SAAL1: variants seen among roughly 807,000 people sequenced by gnomAD.
SAAL1 encodes serum amyloid A like 1, also known as protein SAAL1.
SAAL1 carries 42 observed loss-of-function variants against 59.8 expected under a neutral mutation model. The ratio of observed to expected loss-of-function variants is 0.70; its 90% CI spans 0.55 to 0.91. The LOEUF is 0.91. SAAL1 is among the 40% of genes least tolerant of loss of function. The probability of loss-of-function intolerance (pLI) is 0.00; values close to 1 mark genes in which losing one functional copy is unlikely to be tolerated. For missense variants in SAAL1, 542 were observed against 561.1 expected (o/e 0.97, Z 0.34); for synonymous variants, 191 against 194.3 (o/e 0.98, Z 0.14).
At chr11:18,086,335 A>G (rs1409027048) in intron 9 of SAAL1, among the ~76,000 whole-genome samples, 1 of 152,122 alleles carries the variant, frequency 6.6e-6, no homozygotes, top group Admixed American at 6.5e-5. Context: ...CCAGGAATTC[A>G]AGGTTGCAGT....
At chr11:18,086,840 G>C (rs1291051019) in intron 9 of SAAL1, 26 bp downstream of exon 9, 3 of 1,438,608 alleles carry the variant, frequency 2.1e-6, no homozygotes, top group South Asian at 3.2e-5. Context: ...ATGAAAAACA[G>C]TATGAGCCTG....
chr11:18,092,958 T>C (rs1237235153), intron 3 of SAAL1, among the ~76,000 whole-genome samples: 1 of 151,986 alleles, frequency 6.6e-6, no homozygotes, highest in Non-Finnish European at 1.5e-5. Context: ...TCAACCTTGG[T>C]ATAAAAGTAC....
chr11:18,099,232 C>T (rs918798956), intron 2 of SAAL1, among the ~76,000 whole-genome samples: 1 of 152,212 alleles, frequency 6.6e-6, no homozygotes, highest in African/African-American at 2.4e-5. Flanking sequence ...ATCCTCCTGC[C>T]TCAGCCTCCC....
chr11:18,086,128 G>A (rs979462336), intron 9 of SAAL1, among the ~76,000 whole-genome samples: 1 of 152,208 alleles, frequency 6.6e-6, no homozygotes, highest in Non-Finnish European at 1.5e-5. Context: ...TTTCGGCAGG[G>A]TGCAGTGGCT....
At chr11:18,101,649 C>G (rs1444673888) in intron 2 of SAAL1, among the ~76,000 whole-genome samples, 1 of 152,160 alleles carries the variant, frequency 6.6e-6, no homozygotes, top group Non-Finnish European at 1.5e-5. Flanking sequence ...AATGGACTAA[C>G]ACACCACTCT....
At chr11:18,086,766 T>C in intron 9 of SAAL1, 100 bp downstream of exon 9, 1 of 620,580 alleles carries the variant, frequency 1.6e-6, no homozygotes, top group South Asian at 6.3e-5. Flanking sequence ...TTTTGAAGTT[T>C]AGCATGTAAT....
Position 18,099,049 on chromosome 11 carries a change from T to G in SAAL1, c.250-2195A>C, listed in dbSNP as rs1379442427. ...TAGCAACCTGCCCAAGATTATACAG[T>G]CTCAGCAGAGCAAAGCTAGGATTTG... On this transcript the variant is annotated intron_variant, in intron 2 of 11. Coordinates refer to ENST00000524803, the MANE Select transcript of SAAL1 (RefSeq NM_138421.3). Among the ~76,000 whole-genome samples, 7 of 151,294 alleles carry G rather than the reference T, an allele frequency of 4.6e-5. No individual in the cohort carries two copies. The East Asian group carries it at 1.3e-3, about 29-fold the overall frequency.
At chr11:18,086,691 ACT>A (rs113639287) in intron 9 of SAAL1, among the ~76,000 whole-genome samples, 173 bp downstream of exon 9, 9 of 152,268 alleles carry the variant, frequency 5.9e-5, no homozygotes, top group African/African-American at 2.2e-4. Flanking sequence ...ACACAGCAAG[ACT>A]CTGTTTCCAA....
At position 18,090,295 on chromosome 11, in the gene SAAL1, A is replaced by C. The variant is rs1316327644; in HGVS notation, c.474-5T>G. 6.3e-7 allele frequency: 1 copy of C among 1,592,894 alleles called. No homozygotes were observed. Among genetic ancestry groups the C allele is most frequent in the African/African-American group, 1.4e-5 (1 of 72,806 alleles). ...GAAAGGCAAGTAAGCAACAACCTAC[A>C]TGGTAAACGTGGGTTGAATTTCTAC... On this transcript the variant is annotated splice_region_variant and splice_polypyrimidine_tract_variant and intron_variant, in intron 5 of 11. Transcript: ENST00000524803.
At chr11:18,084,823 T>A (rs1348948721) in intron 9 of SAAL1, among the ~76,000 whole-genome samples, 2 of 152,176 alleles carry the variant, frequency 1.3e-5, no homozygotes, top group Non-Finnish European at 2.9e-5. Flanking sequence ...TGGAGTACAA[T>A]GGCGTGATTT....
intron 6 of SAAL1, 70 bp downstream of exon 6, chr11:18,090,105 T>C: frequency 7.3e-7 from 1 of 1,367,436 alleles, no homozygotes; most frequent in Non-Finnish European, 9.9e-7. Context: ...CTTCTAGAAA[T>C]AGTTACATGG....
intron 6 of SAAL1, 62 bp from the exon 7 acceptor site, chr11:18,089,572 C>T: frequency 6.8e-7 from 1 of 1,468,646 alleles, no homozygotes; most frequent in African/African-American, 1.4e-5. Flanking sequence ...TAGGGTTAAG[C>T]AAAATTCCTA....
intron 7 of SAAL1, among the ~76,000 whole-genome samples, chr11:18,088,052 A>G (rs1848484585): frequency 6.6e-6 from 1 of 152,180 alleles, no homozygotes; most frequent in Non-Finnish European, 1.5e-5. Flanking sequence ...AGAAACATGA[A>G]GGGGCAAAGA....
Position 18,080,427 on chromosome 11 carries a change from T to C in SAAL1, c.1397A>G (p.Asn466Ser). The C allele has an allele frequency of 5.6e-6, 9 of 1,596,974 alleles. No homozygotes were observed. The highest frequency in any genetic ancestry group is 7.7e-6 in the Non-Finnish European group (9 of 1,175,294). ...AGTCTGAACCTTCAAACTTGGGAAGTTTTTTTCCAAGTCATCAGCAAGCGC... is the reference window on the plus strand; with the variant it reads ...AGTCTGAACCTTCAAACTTGGGAAGCTTTTTTCCAAGTCATCAGCAAGCGC... ...DKALADDLEK[N>S]FPSLKVQT Residue 466 changes from asparagine (N) to serine (S), a missense_variant, in exon 12 of 12, where the codon AAC becomes AGC. Physicochemically the swap from Asn to Ser is conservative, Grantham distance 46. Transcript: ENST00000524803.
chr11:18,095,428 A>G (rs1190202245), intron 3 of SAAL1, among the ~76,000 whole-genome samples: 1 of 152,230 alleles, frequency 6.6e-6, no homozygotes, highest in African/African-American at 2.4e-5. Context: ...CTACTTAAAT[A>G]AGAATTCTAA....
intron 10 of SAAL1, among the ~76,000 whole-genome samples, chr11:18,082,861 G>A (rs1398125550): frequency 6.6e-6 from 1 of 152,036 alleles, no homozygotes; most frequent in East Asian, 1.9e-4. Flanking sequence ...CAAACTCCTG[G>A]GCTCAAGTGA....
chr11:18,081,370 C>A, intron 11 of SAAL1, 41 bp downstream of exon 11: 1 of 1,372,508 alleles, frequency 7.3e-7, no homozygotes. Flanking sequence ...TTTAGTAATC[C>A]TACAAAACTT....
chr11:18,082,096 A>G (rs1173694846), intron 10 of SAAL1, among the ~76,000 whole-genome samples: 1 of 152,250 alleles, frequency 6.6e-6, no homozygotes, highest in Non-Finnish European at 1.5e-5. Context: ...TGCATGACAT[A>G]GCACTCGTGT....
At chr11:18,093,272 T>C (rs1848540901) in intron 3 of SAAL1, among the ~76,000 whole-genome samples, 1 of 152,192 alleles carries the variant, frequency 6.6e-6, no homozygotes, top group Non-Finnish European at 1.5e-5. Flanking sequence ...TTAAGTGCTT[T>C]CTTTACATGA....
Sources: allele counts gnomAD v4.1 joint callset (sites outside exome capture counted in the v4.1 genomes callset), GRCh38; gene constraint gnomAD v4.1.1; transcripts MANE v1.5; gene names NCBI Gene and HGNC (gene_info 2026-07-23, HGNC 2026-07-21).